TSPAN15: variants seen among roughly 807,000 people sequenced by gnomAD.
TSPAN15 encodes tetraspanin 15.
Under a neutral mutation model 34.5 loss-of-function variants are expected in TSPAN15, and 20 were observed. The ratio of observed to expected loss-of-function variants is 0.58; its 90% CI spans 0.41 to 0.84. TSPAN15 has a LOEUF of 0.84. Ranked by LOEUF, TSPAN15 falls within the 40% of genes least tolerant of loss-of-function variation. The pLI, the probability that TSPAN15 is intolerant of heterozygous loss-of-function variation, is 0.00. For missense variants in TSPAN15, 313 were observed against 386.1 expected (o/e 0.81, Z 1.59); for synonymous variants, 155 against 153.9 (o/e 1.01, Z -0.05).
intron 1 of TSPAN15, among the ~76,000 whole-genome samples, chr10:69,459,091 GA>G (rs1363554724): frequency 4.1e-5 from 3 of 73,114 alleles, no homozygotes; most frequent in Admixed American, 1.7e-4. Flanking sequence ...TTGATGGGGG[GA>G]AAACAAAACA....
At chr10:69,531,952 A>C in the TSPAN15 span, among the ~76,000 whole-genome samples, 3,795 of 100,846 alleles carry the variant, frequency 0.038, 129 homozygotes, top group African/African-American at 0.096. Context: ...AAAAAAAAAC[A>C]AAAAAAAAAC....
chr10:69,460,743 A>G (rs1841234179), intron 1 of TSPAN15, among the ~76,000 whole-genome samples: 1 of 152,066 alleles, frequency 6.6e-6, no homozygotes, highest in South Asian at 2.1e-4. Context: ...AGTCTTTGGG[A>G]GGACTCTGAG....
chr10:69,540,894 C>T, the TSPAN15 span, among the ~76,000 whole-genome samples: 1,734 of 152,182 alleles, frequency 0.011, 15 homozygotes, highest in Middle Eastern at 0.024. Flanking sequence ...AGGAGAGCTG[C>T]GGGGCTAGGA....
the TSPAN15 span, among the ~76,000 whole-genome samples, chr10:69,529,593 G>A: frequency 6.8e-6 from 1 of 147,486 alleles, no homozygotes. Context: ...CTCACATAAA[G>A]ACCAAAACAA....
rs139558340 is a variant in TSPAN15 at position 69,496,118 on chromosome 10, C to T, written c.453+429C>T. 2.5e-3 allele frequency among the ~76,000 whole-genome samples: 373 copies of T among 152,152 alleles called. 3 individuals are homozygous for T. The highest frequency in any genetic ancestry group is 8.7e-3 in the African/African-American group (360 of 41,490). ...GTCCAAAGCCCCCTCTGCCAAGTCTCTTCAGTGACAACTCACTCCTTGTCA... is the reference window on the plus strand; with the variant it reads ...GTCCAAAGCCCCCTCTGCCAAGTCTTTTCAGTGACAACTCACTCCTTGTCA... On this transcript the variant is annotated intron_variant, in intron 4 of 7. Coordinates refer to ENST00000373290, the MANE Select transcript of TSPAN15 (RefSeq NM_012339.5).
chr10:69,529,985 C>G, the TSPAN15 span, among the ~76,000 whole-genome samples: 14 of 147,956 alleles, frequency 9.5e-5, 1 homozygote, highest in African/African-American at 3.4e-4. Context: ...ATAATGGTCT[C>G]AAGCTCCATC....
intron 1 of TSPAN15, among the ~76,000 whole-genome samples, chr10:69,467,017 A>T (rs971402926): frequency 7.2e-5 from 11 of 152,046 alleles, no homozygotes; most frequent in Admixed American, 3.9e-4. Flanking sequence ...CCCGTTCCTG[A>T]CCTTTACCTC....
At chr10:69,496,472 A>G (rs1356436529) in intron 4 of TSPAN15, among the ~76,000 whole-genome samples, 2 of 152,098 alleles carry the variant, frequency 1.3e-5, no homozygotes, top group Non-Finnish European at 2.9e-5. Flanking sequence ...GAATAATGAC[A>G]GGAGCTCTTG....
intron 1 of TSPAN15, among the ~76,000 whole-genome samples, chr10:69,482,404 A>C (rs886812167): frequency 6.6e-6 from 1 of 152,198 alleles, no homozygotes; most frequent in South Asian, 2.1e-4. Flanking sequence ...CTGTGACAGC[A>C]TGTCCACTAT....
the TSPAN15 span, among the ~76,000 whole-genome samples, chr10:69,527,411 C>T: frequency 2.7e-4 from 40 of 147,432 alleles, 3 homozygotes; most frequent in Admixed American, 1.8e-3. Flanking sequence ...GCCTAACCAA[C>T]ATGGAGAAAT....
chr10:69,546,395 T>C, the TSPAN15 span, among the ~76,000 whole-genome samples: 1 of 152,312 alleles, frequency 6.6e-6, no homozygotes, highest in South Asian at 2.1e-4. Context: ...TAACATTATC[T>C]CTTCCCTGAT....
Position 69,507,110 on chromosome 10 carries a change from C to A in TSPAN15, c.*132C>A. On this transcript the variant is annotated 3_prime_UTR_variant, in exon 8 of 8. Transcript: ENST00000373290. ...CTGACCAAAGCCAGGGCTGTGTGTG[C>A]CTGTGTGTAGGTCCCACGGCCTCTG... 1 of 1,484,216 alleles carries A rather than the reference C, an allele frequency of 6.7e-7. No individual in the cohort carries two copies. Among genetic ancestry groups the A allele is most frequent in the Non-Finnish European group, 8.9e-7 (1 of 1,120,288 alleles). The allele number at this position is 1,484,216 out of a possible 1,614,324, so 91.9% of individuals were successfully genotyped here. A position where few individuals can be genotyped will look rare whatever the true frequency, so the allele number is the denominator to read the frequency against.
At chr10:69,458,710 A>G (rs1841171101) in intron 1 of TSPAN15, among the ~76,000 whole-genome samples, 2 of 152,148 alleles carry the variant, frequency 1.3e-5, no homozygotes, top group Admixed American at 6.5e-5. Context: ...AATCCAGAGA[A>G]TCAGGGCTGC....
At chr10:69,485,115 G>A (rs1463500444) in intron 2 of TSPAN15, 26 bp from the exon 3 acceptor site, 1 of 1,611,104 alleles carries the variant, frequency 6.2e-7, no homozygotes. Context: ...TCCTCTCCAG[G>A]TGAGTCTCTG....
chr10:69,536,966 A>T, the TSPAN15 span, among the ~76,000 whole-genome samples: 2 of 151,342 alleles, frequency 1.3e-5, no homozygotes, highest in Non-Finnish European at 2.9e-5. Context: ...CCTGGGCAAG[A>T]AGAGTGAAAC....
At chr10:69,531,754 A>T in the TSPAN15 span, among the ~76,000 whole-genome samples, 3 of 152,194 alleles carry the variant, frequency 2.0e-5, no homozygotes, top group South Asian at 6.2e-4. Context: ...TAAAAACAAA[A>T]ATCACACGAT....
chr10:69,528,516 G>A, the TSPAN15 span, among the ~76,000 whole-genome samples: 6 of 148,716 alleles, frequency 4.0e-5, 1 homozygote, highest in Non-Finnish European at 8.9e-5. Flanking sequence ...GGCAGGCAAG[G>A]GGCCTGCCCT....
the TSPAN15 span, among the ~76,000 whole-genome samples, chr10:69,548,139 G>A: frequency 1.3e-5 from 2 of 151,954 alleles, no homozygotes; most frequent in African/African-American, 4.8e-5. Context: ...GGTGAGTGCT[G>A]TAATCAGAAA....
the TSPAN15 span, among the ~76,000 whole-genome samples, chr10:69,519,223 C>T: frequency 6.6e-6 from 1 of 152,144 alleles, no homozygotes; most frequent in Non-Finnish European, 1.5e-5. Flanking sequence ...TTAAGCCCAG[C>T]CTGGGCAATG....
Sources: gnomAD v4.1 joint callset for allele counts (sites outside exome capture counted in the v4.1 genomes callset) on GRCh38, gnomAD v4.1.1 for gene constraint, MANE v1.5 for transcripts, NCBI Gene and HGNC (gene_info 2026-07-23, HGNC 2026-07-21) for gene names.